ATP2B1: variants seen among roughly 807,000 people sequenced by gnomAD.
ATP2B1 encodes the protein plasma membrane calcium-transporting ATPase 1.
ATP2B1 carries 14 observed loss-of-function variants against 124.2 expected under a neutral mutation model. That is an observed-to-expected ratio of 0.11 (90% confidence interval 0.07 to 0.18). The LOEUF (loss-of-function observed/expected upper bound fraction) is 0.18. Among genes scored for constraint, ATP2B1 ranks in the 10% least tolerant of loss-of-function variants. ATP2B1 has a pLI of 1.00. For synonymous variants in ATP2B1, 449 were observed against 492.4 expected (o/e 0.91, Z 1.17); for missense variants, 763 against 1,466.1 (o/e 0.52, Z 7.83).
intron 15 of ATP2B1, among the ~76,000 whole-genome samples, chr12:89,607,209 T>C (rs1483388419): frequency 6.6e-6 from 1 of 152,236 alleles, no homozygotes; most frequent in Non-Finnish European, 1.5e-5. Flanking sequence ...TTCCTTATCA[T>C]GGCATTCAAG....
intron 1 of ATP2B1, among the ~76,000 whole-genome samples, chr12:89,708,316 A>G (rs4842677): frequency 0.9 from 137,526 of 152,094 alleles, 62,906 homozygotes; most frequent in East Asian, 1. Context: ...AAGCCCCAAC[A>G]AGCCCCATCC....
intron 1 of ATP2B1, among the ~76,000 whole-genome samples, chr12:89,693,545 T>C (rs1592995631): frequency 6.6e-6 from 1 of 152,202 alleles, no homozygotes; most frequent in African/African-American, 2.4e-5. Flanking sequence ...CACACAGCCG[T>C]TGCTTTTTAA....
chr12:89,655,566 A>G (rs906427697), intron 2 of ATP2B1, 113 bp downstream of exon 2: 3 of 1,039,276 alleles, frequency 2.9e-6, no homozygotes, highest in South Asian at 2.9e-5. Flanking sequence ...TAATGTCACT[A>G]TAATTATGTC....
At chr12:89,629,534 T>C (rs1333191589) in intron 6 of ATP2B1, among the ~76,000 whole-genome samples, 1 of 152,216 alleles carries the variant, frequency 6.6e-6, no homozygotes, top group African/African-American at 2.4e-5. Context: ...ATTTTTCACA[T>C]ACATTTTTGT....
intron 1 of ATP2B1, among the ~76,000 whole-genome samples, chr12:89,694,036 A>G (rs1261138241): frequency 6.6e-6 from 1 of 152,224 alleles, no homozygotes; most frequent in Non-Finnish European, 1.5e-5. Flanking sequence ...TTCCAGGACA[A>G]GAAGACTGGT....
At chr12:89,593,437 G>C (rs1167126517) in intron 20 of ATP2B1, 1 of 152,076 alleles carries the variant, frequency 6.6e-6, no homozygotes, top group Non-Finnish European at 1.5e-5. Context: ...TGGTGCTGCT[G>C]CTACTGAAGA....
chr12:89,633,571 GA>G (rs1170721248), intron 5 of ATP2B1, among the ~76,000 whole-genome samples: 1 of 150,980 alleles, frequency 6.6e-6, no homozygotes, highest in Non-Finnish European at 1.5e-5. Flanking sequence ...TAATTACTCT[GA>G]TTTTTTTGCA....
At chr12:89,593,237 C>T (rs987562809) in intron 20 of ATP2B1, 11 of 151,930 alleles carry the variant, frequency 7.2e-5, no homozygotes, top group Admixed American at 7.2e-4. Flanking sequence ...CAGCAAGTAT[C>T]CTGACTGTCC....
intron 2 of ATP2B1, among the ~76,000 whole-genome samples, chr12:89,649,457 T>C (rs924725847): frequency 1.3e-5 from 2 of 152,238 alleles, no homozygotes; most frequent in Non-Finnish European, 2.9e-5. Context: ...CTACCACTCC[T>C]TTCTTTTGGC....
chr12:89,616,036 C>T (rs367583286), intron 12 of ATP2B1, among the ~76,000 whole-genome samples: 2 of 152,078 alleles, frequency 1.3e-5, no homozygotes, highest in South Asian at 2.1e-4. Context: ...GTTGGGAACT[C>T]GTGTTCTCTG....
chr12:89,622,631 AAT>A (rs1880179594), intron 9 of ATP2B1, among the ~76,000 whole-genome samples: 1 of 152,282 alleles, frequency 6.6e-6, no homozygotes, highest in African/African-American at 2.4e-5. Context: ...TCCTTGAAAA[AAT>A]ATGTGAAAAA....
At position 89,645,996 on chromosome 12, in the gene ATP2B1, G is replaced by A. The variant is rs188964228; in HGVS notation, c.209-3641C>T. 1.2e-3 allele frequency among the ~76,000 whole-genome samples: 178 copies of A among 152,296 alleles called. 1 individual carries two copies. The highest frequency in any genetic ancestry group is 2.1e-3 in the Non-Finnish European group (140 of 68,020). ...TGGGTTTTAGAAGTGGAGGCAGAAG[G>A]GGATAAGTGGATTTGCCAGGTATTT... On this transcript the variant is annotated intron_variant, in intron 2 of 20. Transcript: ENST00000428670.
chr12:89,649,602 T>C (rs147149130), intron 2 of ATP2B1, among the ~76,000 whole-genome samples: 208 of 152,350 alleles, frequency 1.4e-3, no homozygotes, highest in African/African-American at 4.6e-3. Flanking sequence ...TTTTGGACTT[T>C]GAACTTTTGA....
At chr12:89,646,969 G>A (rs1327326989) in intron 2 of ATP2B1, among the ~76,000 whole-genome samples, 1 of 152,220 alleles carries the variant, frequency 6.6e-6, no homozygotes, top group African/African-American at 2.4e-5. Context: ...CAGAGGCCAT[G>A]CAATTCAGGG....
At chr12:89,608,441 G>T (rs558487195) in intron 15 of ATP2B1, among the ~76,000 whole-genome samples, 1 of 151,878 alleles carries the variant, frequency 6.6e-6, no homozygotes, top group African/African-American at 2.4e-5. Flanking sequence ...CTCCCAAAGT[G>T]CTGGGATTAC....
At chr12:89,689,806 C>T (rs559509530) in intron 1 of ATP2B1, among the ~76,000 whole-genome samples, 1 of 152,222 alleles carries the variant, frequency 6.6e-6, no homozygotes, top group South Asian at 2.1e-4. Context: ...CACACAAAGT[C>T]ATGTATACAG....
At chr12:89,627,932 ATTTGT>A (rs1881161223) in intron 6 of ATP2B1, among the ~76,000 whole-genome samples, 2 of 152,192 alleles carry the variant, frequency 1.3e-5, no homozygotes, top group Non-Finnish European at 2.9e-5. Flanking sequence ...GGGTGTCTAT[ATTTGT>A]TTTATTTTTC....
chr12:89,592,091 AGATAGCTCAAC>A (rs999369093), intron 20 of ATP2B1, among the ~76,000 whole-genome samples: 1 of 152,118 alleles, frequency 6.6e-6, no homozygotes, highest in African/African-American at 2.4e-5. Context: ...ACCCCTAAGC[AGATAGCTCAAC>A]AATTCATCTT....
At chr12:89,612,450 G>A (rs896785297) in intron 12 of ATP2B1, among the ~76,000 whole-genome samples, 4 of 151,842 alleles carry the variant, frequency 2.6e-5, no homozygotes, top group African/African-American at 9.7e-5. Flanking sequence ...AAACCCCCGA[G>A]ACAAATGCCT....
Sources: allele counts gnomAD v4.1 joint callset (sites outside exome capture counted in the v4.1 genomes callset), GRCh38; gene constraint gnomAD v4.1.1; transcripts MANE v1.5; gene names NCBI Gene and HGNC (gene_info 2026-07-23, HGNC 2026-07-21).